Variants in HIVEP2 observed in about 807,000 individuals in gnomAD.
The protein encoded by HIVEP2 is transcription factor HIVEP2.
HIVEP2 carries 14 observed loss-of-function variants against 180.7 expected under a neutral mutation model. The ratio of observed to expected loss-of-function variants is 0.08; its 90% CI spans 0.05 to 0.12. HIVEP2 has a LOEUF of 0.12. Ranked by LOEUF, HIVEP2 falls within the 10% of genes least tolerant of loss-of-function variation. HIVEP2 has a pLI of 1.00. For missense variants in HIVEP2, 2,579 were observed against 3,008.5 expected, an observed-to-expected ratio of 0.86 and a Z score of 3.34; for synonymous variants, 1,184 against 1,136.4, an observed-to-expected ratio of 1.04 and a Z score of -0.84.
At chr6:142,793,693 CTCTCTG>C (rs1354001013) in intron 2 of HIVEP2, among the ~76,000 whole-genome samples, 3 of 93,492 alleles carry the variant, frequency 3.2e-5, no homozygotes, top group African/African-American at 1.1e-4. Flanking sequence ...CTCTCTCTCT[CTCTCTG>C]TCTGTCTTTC....
At chr6:142,935,573 G>A (rs1006598836) in intron 1 of HIVEP2, among the ~76,000 whole-genome samples, 22 of 151,936 alleles carry the variant, frequency 1.4e-4, no homozygotes, top group African/African-American at 5.1e-4. Flanking sequence ...AAGTAAAGGT[G>A]CACAGACTGA....
chr6:142,883,468 T>C (rs1370290422), intron 1 of HIVEP2, among the ~76,000 whole-genome samples: 1 of 152,218 alleles, frequency 6.6e-6, no homozygotes, highest in Admixed American at 6.5e-5. Flanking sequence ...AACTATAATC[T>C]TTTGTGAAAT....
In HIVEP2 at chr6:142,752,062, C is replaced by A. The variant is rs1774935625; in HGVS notation, c.*1045G>T. On this transcript the variant is annotated 3_prime_UTR_variant, in exon 10 of 10. Coordinates refer to ENST00000367603, the MANE Select transcript of HIVEP2 (RefSeq NM_006734.4). ...CAGCACTGCCTGCCAAGCCACCGGG[C>A]CGGCCGATAACCAAGCTCTACACAG... 1 of 128,318 alleles carries A rather than the reference C, an allele frequency of 7.8e-6. No homozygotes were observed. Among genetic ancestry groups the A allele is most frequent in the Admixed American group, 7.7e-5 (1 of 12,984 alleles). The allele number at this position is 128,318 out of a possible 1,614,324, so 7.9% of individuals were successfully genotyped here. A position where few individuals can be genotyped will look rare whatever the true frequency, so the allele number is the denominator to read the frequency against.
chr6:142,789,184 A>G (rs2114716016), intron 2 of HIVEP2, among the ~76,000 whole-genome samples: 1 of 147,074 alleles, frequency 6.8e-6, no homozygotes, highest in East Asian at 1.9e-4. Flanking sequence ...TTTATTTTCA[A>G]AAGTACACTA....
intron 2 of HIVEP2, among the ~76,000 whole-genome samples, chr6:142,808,917 C>T (rs533587403): frequency 9.9e-4 from 150 of 152,220 alleles, no homozygotes; most frequent in African/African-American, 3.6e-3. Context: ...TATTTTAAAA[C>T]GTTGCATGCT....
At chr6:142,854,979 G>A (rs185712153) in intron 1 of HIVEP2, among the ~76,000 whole-genome samples, 114 of 152,252 alleles carry the variant, frequency 7.5e-4, no homozygotes, top group Middle Eastern at 3.4e-3. Flanking sequence ...CTTCTTTCTG[G>A]TCCTTTTTTT....
chr6:142,863,581 TTTAA>T (rs1235104071), intron 1 of HIVEP2, among the ~76,000 whole-genome samples: 1 of 152,172 alleles, frequency 6.6e-6, no homozygotes, highest in Non-Finnish European at 1.5e-5. Flanking sequence ...TTTTAAGAGA[TTTAA>T]TTGAGTTCTC....
intron 2 of HIVEP2, among the ~76,000 whole-genome samples, chr6:142,829,644 A>G (rs1355292415): frequency 2.0e-5 from 3 of 152,244 alleles, no homozygotes; most frequent in Non-Finnish European, 4.4e-5. Flanking sequence ...ACAGCACCAA[A>G]ACACTACATT....
chr6:142,865,779 G>A (rs999264393), intron 1 of HIVEP2, among the ~76,000 whole-genome samples: 1 of 152,106 alleles, frequency 6.6e-6, no homozygotes, highest in East Asian at 1.9e-4. Context: ...AAAGCGTTTC[G>A]CATGCTTCAG....
At position 142,774,223 on chromosome 6, in the gene HIVEP2, C is replaced by T. The variant is rs1282532730; in HGVS notation, c.516G>A (p.Gln172=). 2 of 1,614,016 alleles carry T rather than the reference C, an allele frequency of 1.2e-6. No homozygotes were observed. The highest frequency in any genetic ancestry group is 1.7e-6 in the Non-Finnish European group (2 of 1,180,042). The change falls in exon 5 of 10, where the codon CAG becomes CAA. Residue 172 remains glutamine, a synonymous_variant. Transcript: ENST00000367603. This position sits in a 1 kb window ranked among gnomAD's most constrained non-coding sequence, Gnocchi z 5.1. ...YSQYSQKSIE[Q]AEEAHKKEHK... ...GCTCTTTCTTGTGAGCCTCTTCTGC[C>T]TGTTCAATACTTTTCTGGGAGTATT...
chr6:142,861,808 A>T (rs1775985106), intron 1 of HIVEP2, among the ~76,000 whole-genome samples: 1 of 152,182 alleles, frequency 6.6e-6, no homozygotes, highest in African/African-American at 2.4e-5. Context: ...TTCCATTTCA[A>T]AGCGGGCTCC....
At chr6:142,816,295 A>G (rs1776832195) in intron 2 of HIVEP2, among the ~76,000 whole-genome samples, 1 of 152,208 alleles carries the variant, frequency 6.6e-6, no homozygotes, top group African/African-American at 2.4e-5. Flanking sequence ...TTCACAGCCA[A>G]TGATTTATTT....
rs1251798664 is a variant in HIVEP2 at position 142,943,445 on chromosome 6, T to A, written c.-641+1654A>T. Among the ~76,000 whole-genome samples the A allele has an allele frequency of 1.3e-5, 2 of 152,204 alleles. No individual in the cohort carries two copies. The highest frequency in any genetic ancestry group is 2.9e-5 in the Non-Finnish European group (2 of 68,036). ...GGCCTTTTTCTAGGAGGACAGATCA[T>A]TGCAAATTTAATTAAAATGGATCTT... is the stretch of plus-strand genomic sequence containing the variant. On this transcript the variant is annotated intron_variant, in intron 1 of 9. Coordinates refer to ENST00000367603, the MANE Select transcript of HIVEP2 (RefSeq NM_006734.4). The surrounding 1 kb of genome is among the most constrained non-coding windows in gnomAD (Gnocchi z 4.5).
intron 1 of HIVEP2, among the ~76,000 whole-genome samples, chr6:142,932,698 T>C (rs1190322087): frequency 1.3e-5 from 2 of 152,204 alleles, no homozygotes; most frequent in South Asian, 2.1e-4. Context: ...TGGAGAGGGC[T>C]CAACTGCTGG....
rs542091369 is a variant in HIVEP2, at chr6:142,837,271, G to T, written c.-640-224C>A. On this transcript the variant is annotated intron_variant, in intron 1 of 9. Coordinates refer to ENST00000367603, the MANE Select transcript of HIVEP2 (RefSeq NM_006734.4). Reference sequence around the variant, plus strand: ...TTCAAGCATAGAGAAAACAATAAAAGAATACAACAAAGTGTGAGAACAGAA... The same window carrying T: ...TTCAAGCATAGAGAAAACAATAAAATAATACAACAAAGTGTGAGAACAGAA... Among the ~76,000 whole-genome samples, 55 of 152,144 alleles carry T rather than the reference G, an allele frequency of 3.6e-4. No homozygotes were observed. In the Middle Eastern group the frequency reaches 0.02, roughly 56 times the overall value.
chr6:142,848,634 G>T (rs984884089), intron 1 of HIVEP2, among the ~76,000 whole-genome samples: 1 of 151,902 alleles, frequency 6.6e-6, no homozygotes, highest in Non-Finnish European at 1.5e-5. Flanking sequence ...GAGGTGGGAG[G>T]ATTGCTTGCA....
intron 1 of HIVEP2, among the ~76,000 whole-genome samples, chr6:142,918,437 G>C (rs1164731406): frequency 5.3e-5 from 8 of 152,204 alleles, no homozygotes. Flanking sequence ...CATTCTTCTA[G>C]CTGCATCCTC....
chr6:142,911,313 A>T (rs1228721299), intron 1 of HIVEP2, among the ~76,000 whole-genome samples: 1 of 151,932 alleles, frequency 6.6e-6, no homozygotes, highest in Non-Finnish European at 1.5e-5. Flanking sequence ...TAAACATAGC[A>T]ATTTTCAAGT....
rs1158260226 is a variant in HIVEP2, at chr6:142,771,738, C to A, written c.3001G>T (p.Gly1001Trp). The change falls in exon 5 of 10, where the codon GGG becomes TGG. Residue 1001 changes from glycine to tryptophan, a missense_variant. By Grantham distance (184) the Gly-to-Trp change is radical. Transcript: ENST00000367603. The surrounding 1 kb of genome is among the most constrained non-coding windows in gnomAD (Gnocchi z 5.4). ...ACAGTCAGAAACTCTGAATGCTTCC[C>A]AAACTCATCCTGCTTAGGAAGTGCA... ...LSALPKQDEF[G>W]KHSEFLTVPA... 6.2e-7 allele frequency: 1 copy of A among 1,614,182 alleles called. No homozygotes were observed. Among genetic ancestry groups the A allele is most frequent in the South Asian group, 1.1e-5 (1 of 91,074 alleles).
Sources: gnomAD v4.1 joint callset for allele counts (sites outside exome capture counted in the v4.1 genomes callset) on GRCh38, gnomAD v4.1.1 for gene constraint, Gnocchi (gnomAD v3.1) non-coding constraint, MANE v1.5 for transcripts, NCBI Gene and HGNC (gene_info 2026-07-23, HGNC 2026-07-21) for gene names.